Variants in THRAP3 observed in about 807,000 individuals in gnomAD.
THRAP3 encodes thyroid hormone receptor associated protein 3, also known as thyroid hormone receptor-associated protein 3.
Under a neutral mutation model 101.0 loss-of-function variants are expected in THRAP3, and 16 were observed. The observed-to-expected ratio is 0.16, with a 90% CI of 0.11 to 0.24. THRAP3 has a LOEUF of 0.24. THRAP3 is among the 10% of genes least tolerant of loss of function. The pLI, the probability that THRAP3 is intolerant of heterozygous loss-of-function variation, is 1.00. For missense variants in THRAP3, 989 were observed against 1,202.7 expected (o/e 0.82, Z 2.63); for synonymous variants, 407 against 422.6 (o/e 0.96, Z 0.45).
At position 36,300,883 on chromosome 1, in the gene THRAP3, C is replaced by T; in HGVS notation, c.2304-3C>T. 5.0e-6 allele frequency: 8 copies of T among 1,612,668 alleles called. No homozygotes were observed. The highest frequency in any genetic ancestry group is 6.8e-6 in the Non-Finnish European group (8 of 1,179,800). ...GATCACCCTGGCTCTTCTCTTTTCA[C>T]AGGAAGCATCGGAGAGCAAGAGACA... On this transcript the variant is annotated splice_region_variant and splice_polypyrimidine_tract_variant and intron_variant, in intron 9 of 11. Coordinates refer to ENST00000354618, the MANE Select transcript of THRAP3 (RefSeq NM_005119.4).
chr1:36,274,491 CACTT>C (rs1645630407), intron 2 of THRAP3, among the ~76,000 whole-genome samples: 1 of 152,074 alleles, frequency 6.6e-6, no homozygotes, highest in South Asian at 2.1e-4. Flanking sequence ...TTGGAGGACT[CACTT>C]TTTTTTATTT....
chr1:36,294,285 C>A, intron 8 of THRAP3: 1 of 972,924 alleles, frequency 1.0e-6, no homozygotes, highest in Non-Finnish European at 1.2e-6. Context: ...TATTTCCAAC[C>A]ATGATTTCAG....
the THRAP3 span, among the ~76,000 whole-genome samples, chr1:36,209,759 C>T: frequency 1.1e-4 from 16 of 152,186 alleles, no homozygotes; most frequent in African/African-American, 3.9e-4. Flanking sequence ...TGAGGACTGA[C>T]CTTTGACTTT....
At position 36,225,877 on chromosome 1, in the gene THRAP3, A is replaced by C. The variant is rs143185471; in HGVS notation, c.-135+1372A>C. 1.1e-3 allele frequency among the ~76,000 whole-genome samples: 173 copies of C among 152,300 alleles called. 3 individuals are homozygous for C. The East Asian group carries it at 0.019, about 16-fold the overall frequency. Reference sequence around the variant, plus strand: ...CCATTTGGGCTTAATTGCATTTTGTAAGAGAGTTGTGTTGAGGTTTCTGTA... The same window carrying C: ...CCATTTGGGCTTAATTGCATTTTGTCAGAGAGTTGTGTTGAGGTTTCTGTA... On this transcript the variant is annotated intron_variant, in intron 1 of 11. Coordinates refer to ENST00000354618, the MANE Select transcript of THRAP3 (RefSeq NM_005119.4).
intron 6 of THRAP3, among the ~76,000 whole-genome samples, chr1:36,292,114 C>T (rs1278796215): frequency 2.6e-5 from 4 of 151,598 alleles, no homozygotes; most frequent in Non-Finnish European, 5.9e-5. Flanking sequence ...AATATGGGAC[C>T]GTGTTTGAAC....
In THRAP3 at chr1:36,282,703, A is replaced by G. The variant is rs750151359; in HGVS notation, c.137+3A>G. 8.7e-6 allele frequency: 14 copies of G among 1,614,080 alleles called. No individual in the cohort carries two copies. Among genetic ancestry groups the G allele is most frequent in the Non-Finnish European group, 1.2e-5 (14 of 1,179,954 alleles). ...CGTTCAAGGAAGCGCAGGCTGAGGT[A>G]AGGGGGTGTGACTTTGTATATTGAG... On this transcript the variant is annotated splice_donor_region_variant and intron_variant, in intron 3 of 11. Coordinates refer to ENST00000354618, the MANE Select transcript of THRAP3 (RefSeq NM_005119.4).
intron 3 of THRAP3, among the ~76,000 whole-genome samples, chr1:36,284,505 C>T (rs1445458349): frequency 6.6e-6 from 1 of 152,200 alleles, no homozygotes. Flanking sequence ...TTTTCCCTCT[C>T]CTGCAAGGAA....
intron 2 of THRAP3, among the ~76,000 whole-genome samples, chr1:36,276,922 T>A (rs749831090): frequency 5.9e-5 from 9 of 152,108 alleles, no homozygotes; most frequent in Non-Finnish European, 8.8e-5. Context: ...TACTTGCAAG[T>A]CATACATCCA....
intron 1 of THRAP3, among the ~76,000 whole-genome samples, chr1:36,226,506 G>A (rs1644964072): frequency 6.6e-6 from 1 of 152,146 alleles, no homozygotes; most frequent in Non-Finnish European, 1.5e-5. Flanking sequence ...GGGATCACCT[G>A]CCTCGGCCTC....
At chr1:36,229,209 TG>T (rs1328755862) in intron 1 of THRAP3, among the ~76,000 whole-genome samples, 2 of 152,062 alleles carry the variant, frequency 1.3e-5, no homozygotes, top group African/African-American at 2.4e-5. Context: ...GTGATTCTCC[TG>T]CCTCAGCTTC....
chr1:36,249,541 A>G (rs1263004322), intron 1 of THRAP3, among the ~76,000 whole-genome samples: 1 of 152,124 alleles, frequency 6.6e-6, no homozygotes, highest in Admixed American at 6.6e-5. Context: ...AGAGACAGTT[A>G]ATTACAATAC....
chr1:36,271,841 G>A (rs1311302387), intron 2 of THRAP3, among the ~76,000 whole-genome samples: 2 of 151,120 alleles, frequency 1.3e-5, no homozygotes, highest in Admixed American at 6.6e-5. Flanking sequence ...TGATCAGCCC[G>A]CCTCGGCCTC....
rs575028397 is a variant in THRAP3 at position 36,295,954 on chromosome 1, C to CTTTT, written c.2116-595_2116-592dup. Among the ~76,000 whole-genome samples, 61 of 60,498 alleles carry CTTTT rather than the reference C, an allele frequency of 1.0e-3. 5 individuals are homozygous for CTTTT. Among genetic ancestry groups the CTTTT allele is most frequent in the Admixed American group, 1.9e-3 (7 of 3,736 alleles). 39.7% of individuals were successfully genotyped at this position (60,498 alleles called of 152,430 possible). A position where few individuals can be genotyped will look rare whatever the true frequency, so the allele number is the denominator to read the frequency against. On this transcript the variant is annotated intron_variant, in intron 8 of 11. Coordinates refer to ENST00000354618, the MANE Select transcript of THRAP3 (RefSeq NM_005119.4). ...CCAGAGCTAATTTTAGCCTTCTCAA[C>CTTTT]TTTTTTTTTTTTTTTTTTTTTTTTT...
At chr1:36,272,205 GTTAAA>G (rs764077906) in intron 2 of THRAP3, among the ~76,000 whole-genome samples, 13 of 152,288 alleles carry the variant, frequency 8.5e-5, no homozygotes, top group East Asian at 5.8e-4. Flanking sequence ...GTTTTAAACA[GTTAAA>G]TTAAATGACC....
intron 1 of THRAP3, among the ~76,000 whole-genome samples, chr1:36,239,003 G>C (rs768908042): frequency 6.7e-6 from 1 of 149,834 alleles, no homozygotes; most frequent in Non-Finnish European, 1.5e-5. Context: ...GCGCGATCTC[G>C]GCTCACTGCA....
chr1:36,287,884 A>C, intron 4 of THRAP3: 1 of 985,458 alleles, frequency 1.0e-6, no homozygotes, highest in South Asian at 4.7e-5. Context: ...GAGTTGGAAC[A>C]TGAATCTTTG....
chr1:36,292,809 A>C (rs1210062533), intron 7 of THRAP3, 100 bp downstream of exon 7: 1 of 836,246 alleles, frequency 1.2e-6, no homozygotes, highest in Non-Finnish European at 1.9e-6. Flanking sequence ...CCTTTAATAC[A>C]AAATTTACAG....
chr1:36,279,042 A>G (rs1359836446), intron 2 of THRAP3, among the ~76,000 whole-genome samples: 2 of 152,198 alleles, frequency 1.3e-5, no homozygotes, highest in Non-Finnish European at 2.9e-5. Context: ...ACAGTATTGC[A>G]GCTCTTGAGT....
intron 10 of THRAP3, 47 bp downstream of exon 10, chr1:36,301,131 C>A: frequency 6.4e-7 from 1 of 1,569,096 alleles, no homozygotes; most frequent in South Asian, 1.1e-5. Flanking sequence ...TTGCTCCTAC[C>A]AGCTTTGATC....
Sources: gnomAD v4.1 joint callset for allele counts (sites outside exome capture counted in the v4.1 genomes callset) on GRCh38, gnomAD v4.1.1 for gene constraint, MANE v1.5 for transcripts, NCBI Gene and HGNC (gene_info 2026-07-23, HGNC 2026-07-21) for gene names.